The following SCAND3 variants were observed in gnomAD, a reference collection of about 807,000 sequenced individuals.
The protein encoded by SCAND3 is SCAN domain-containing protein 3.
chr6:28,580,222 G>A, the SCAND3 span, among the ~76,000 whole-genome samples: 2 of 152,132 alleles, frequency 1.3e-5, no homozygotes, highest in Non-Finnish European at 2.9e-5. Flanking sequence ...AGGAGGCCAA[G>A]GTGGATGCAT....
chr6:28,601,320 G>C, the SCAND3 span, among the ~76,000 whole-genome samples: 1 of 152,208 alleles, frequency 6.6e-6, no homozygotes, highest in Admixed American at 6.5e-5. Flanking sequence ...GAAAAGGAGA[G>C]ATGAATGAAA....
chr6:28,589,973 ACTT>A, the SCAND3 span: 3 of 145,058 alleles, frequency 2.1e-5, no homozygotes, highest in African/African-American at 5.1e-5. Flanking sequence ...AGTCCCCTGT[ACTT>A]CTTAGTCTCT....
the SCAND3 span, chr6:28,573,110 T>C: frequency 6.2e-7 from 1 of 1,609,442 alleles, no homozygotes. Flanking sequence ...TCTTCCTTTA[T>C]ATCATCATCA....
the SCAND3 span, among the ~76,000 whole-genome samples, chr6:28,605,508 A>C: frequency 1.3e-5 from 2 of 152,090 alleles, no homozygotes; most frequent in Non-Finnish European, 2.9e-5. Context: ...GTCATGCGAA[A>C]GTATCAGTCA....
chr6:28,601,056 C>T, the SCAND3 span, among the ~76,000 whole-genome samples: 1 of 151,900 alleles, frequency 6.6e-6, no homozygotes, highest in African/African-American at 2.4e-5. Flanking sequence ...GCGCCCGCCA[C>T]CACGCCCAGC....
the SCAND3 span, chr6:28,573,146 G>T: frequency 3.1e-6 from 5 of 1,612,670 alleles, no homozygotes; most frequent in Non-Finnish European, 3.4e-6. Context: ...TAGACTAAAA[G>T]AATTATCATG....
At chr6:28,575,591 T>G in the SCAND3 span, 1 of 1,614,132 alleles carries the variant, frequency 6.2e-7, no homozygotes, top group South Asian at 1.1e-5. The surrounding 1 kb of genome is among the most constrained non-coding windows in gnomAD (Gnocchi z 4.2). Flanking sequence ...CATCTTGAAC[T>G]AACTTCCTTA....
At chr6:28,572,951 G>A in the SCAND3 span, 1,445 of 1,613,912 alleles carry the variant, frequency 9.0e-4, 11 homozygotes, top group African/African-American at 0.018. This position sits in a 1 kb window ranked among gnomAD's most constrained non-coding sequence, Gnocchi z 4.1. Flanking sequence ...ACTTCAGAAT[G>A]TTTTCCTGTC....
At chr6:28,575,993 T>C in the SCAND3 span, 1 of 1,613,734 alleles carries the variant, frequency 6.2e-7, no homozygotes, top group African/African-American at 1.3e-5. The surrounding 1 kb of genome is among the most constrained non-coding windows in gnomAD (Gnocchi z 4.2). Context: ...GTATTATTAC[T>C]TTTGTTTTCC....
chr6:28,589,469 A>G, the SCAND3 span: 1 of 152,094 alleles, frequency 6.6e-6, no homozygotes, highest in Non-Finnish European at 1.5e-5. Flanking sequence ...TGAACGTTTT[A>G]CAGTTCCTGG....
At chr6:28,609,862 A>G in the SCAND3 span, among the ~76,000 whole-genome samples, 1 of 152,222 alleles carries the variant, frequency 6.6e-6, no homozygotes, top group Admixed American at 6.5e-5. Context: ...GTTTAATAAC[A>G]TTATAATGAT....
chr6:28,603,537 G>A, the SCAND3 span, among the ~76,000 whole-genome samples: 1 of 152,026 alleles, frequency 6.6e-6, no homozygotes, highest in Admixed American at 6.6e-5. Context: ...TCTTTAACGT[G>A]CTTGTGACAC....
At chr6:28,601,249 C>T in the SCAND3 span, among the ~76,000 whole-genome samples, 2 of 152,224 alleles carry the variant, frequency 1.3e-5, no homozygotes, top group South Asian at 4.2e-4. Context: ...TAGACATATA[C>T]TGAAGTATTT....
At chr6:28,583,926 A>G in the SCAND3 span, among the ~76,000 whole-genome samples, 3 of 151,940 alleles carry the variant, frequency 2.0e-5, no homozygotes, top group Non-Finnish European at 4.4e-5. Flanking sequence ...TTCAAATCCA[A>G]CCCCCTTTGC....
the SCAND3 span, among the ~76,000 whole-genome samples, chr6:28,577,727 C>A: frequency 6.6e-6 from 1 of 152,154 alleles, no homozygotes; most frequent in Admixed American, 6.5e-5. Flanking sequence ...TTCTAAAGTT[C>A]TTCCTGTGGG....
the SCAND3 span, chr6:28,575,071 T>G: frequency 2.5e-6 from 4 of 1,614,086 alleles, no homozygotes; most frequent in African/African-American, 2.7e-5. The surrounding 1 kb of genome is among the most constrained non-coding windows in gnomAD (Gnocchi z 4.2). Flanking sequence ...ATTTTCTGTA[T>G]GCAAGCTGGC....
the SCAND3 span, among the ~76,000 whole-genome samples, chr6:28,607,528 T>TTG: frequency 7.3e-5 from 11 of 150,946 alleles, no homozygotes; most frequent in African/African-American, 2.7e-4. Context: ...TGTTTTTTTT[T>TTG]TCTTTTCTTT....
chr6:28,579,338 G>A, the SCAND3 span: 1 of 1,613,772 alleles, frequency 6.2e-7, no homozygotes, highest in Non-Finnish European at 8.5e-7. This position sits in a 1 kb window ranked among gnomAD's most constrained non-coding sequence, Gnocchi z 4.5. Context: ...GACTGAAGCT[G>A]GGTGCCTAAA....
the SCAND3 span, among the ~76,000 whole-genome samples, chr6:28,614,829 A>C: frequency 2.0e-5 from 3 of 152,152 alleles, no homozygotes; most frequent in African/African-American, 7.2e-5. Context: ...GAATCTTCCA[A>C]ATAAAAATAT....
Sources: allele counts gnomAD v4.1 joint callset (sites outside exome capture counted in the v4.1 genomes callset), GRCh38; gene constraint gnomAD v4.1.1; non-coding constraint Gnocchi (gnomAD v3.1); transcripts MANE v1.5; gene names NCBI Gene and HGNC (gene_info 2026-07-23, HGNC 2026-07-21).